The following TOP6BL variants were observed in gnomAD, a reference collection of about 807,000 sequenced individuals.
TOP6BL encodes TOP6B like initiator of meiotic double strand breaks, also known as type 2 DNA topoisomerase 6 subunit B-like.
chr11:66,800,064 CAAA>C, the TOP6BL span, among the ~76,000 whole-genome samples: 2 of 107,668 alleles, frequency 1.9e-5, no homozygotes, highest in African/African-American at 3.4e-5. Flanking sequence ...GACCCTGTCT[CAAA>C]AAAAAAAAAA....
chr11:66,822,747 T>A, the TOP6BL span: 1 of 1,054,858 alleles, frequency 9.5e-7, no homozygotes, highest in Non-Finnish European at 1.4e-6. Flanking sequence ...CTCATGCCTA[T>A]AATCGCAGCA....
chr11:66,818,291 A>G, the TOP6BL span, among the ~76,000 whole-genome samples: 1 of 152,176 alleles, frequency 6.6e-6, no homozygotes, highest in Non-Finnish European at 1.5e-5. Context: ...AAGATAAGGC[A>G]AACTTTTCCC....
chr11:66,780,486 G>A, the TOP6BL span, among the ~76,000 whole-genome samples: 1 of 152,042 alleles, frequency 6.6e-6, no homozygotes, highest in Non-Finnish European at 1.5e-5. Flanking sequence ...AAAGGATATT[G>A]CACTGGAATA....
the TOP6BL span, among the ~76,000 whole-genome samples, chr11:66,812,914 A>C: frequency 2.6e-5 from 4 of 152,298 alleles, no homozygotes; most frequent in East Asian, 7.7e-4. Context: ...ACCGCAGTGA[A>C]GAATTATCTG....
At chr11:66,826,981 C>CTTT in the TOP6BL span, among the ~76,000 whole-genome samples, 15 of 95,046 alleles carry the variant, frequency 1.6e-4, 1 homozygote, top group Admixed American at 4.9e-4. Flanking sequence ...CCACACCTGG[C>CTTT]TTTTTTTTTT....
the TOP6BL span, among the ~76,000 whole-genome samples, chr11:66,789,888 T>G: frequency 6.6e-6 from 1 of 152,150 alleles, no homozygotes; most frequent in Admixed American, 6.5e-5. Flanking sequence ...CAGGGCTATT[T>G]CAATATTTAC....
the TOP6BL span, among the ~76,000 whole-genome samples, chr11:66,765,105 T>TA: frequency 6.6e-6 from 1 of 152,224 alleles, no homozygotes; most frequent in Non-Finnish European, 1.5e-5. Context: ...CTTGTTTGAC[T>TA]AATATTTGTG....
At chr11:66,787,800 A>C in the TOP6BL span, among the ~76,000 whole-genome samples, 18 of 152,078 alleles carry the variant, frequency 1.2e-4, no homozygotes, top group African/African-American at 3.9e-4. Context: ...CATGTACTAG[A>C]CTTGTGTTTA....
chr11:66,761,623 C>T, the TOP6BL span: 16 of 1,208,456 alleles, frequency 1.3e-5, no homozygotes, highest in African/African-American at 6.1e-5. Context: ...AAGTAATGTA[C>T]GCCTGGTGCT....
the TOP6BL span, among the ~76,000 whole-genome samples, chr11:66,767,097 A>G: frequency 8.5e-5 from 13 of 152,260 alleles, no homozygotes; most frequent in African/African-American, 2.6e-4. Context: ...ATTTATTATT[A>G]TATTAGGTCT....
the TOP6BL span, among the ~76,000 whole-genome samples, chr11:66,761,335 C>CACA: frequency 6.7e-6 from 1 of 149,808 alleles, no homozygotes; most frequent in African/African-American, 2.5e-5. Flanking sequence ...TGCGCCACTG[C>CACA]ACAACAGCCT....
chr11:66,769,355 G>A, the TOP6BL span, among the ~76,000 whole-genome samples: 31 of 151,546 alleles, frequency 2.0e-4, no homozygotes, highest in African/African-American at 5.6e-4. Context: ...CACAAGCAAC[G>A]AAAGGAAAAG....
the TOP6BL span, among the ~76,000 whole-genome samples, chr11:66,775,308 A>G: frequency 6.6e-6 from 1 of 152,122 alleles, no homozygotes; most frequent in African/African-American, 2.4e-5. Context: ...CTTTTAAGAG[A>G]TAGGCACTAT....
At chr11:66,813,561 C>A in the TOP6BL span, among the ~76,000 whole-genome samples, 2 of 151,980 alleles carry the variant, frequency 1.3e-5, no homozygotes, top group Admixed American at 6.6e-5. Flanking sequence ...GGTGAAACCC[C>A]GTCTCTACTA....
chr11:66,813,366 A>G, the TOP6BL span, among the ~76,000 whole-genome samples: 1 of 152,190 alleles, frequency 6.6e-6, no homozygotes, highest in Non-Finnish European at 1.5e-5. Flanking sequence ...TTAAACCCAG[A>G]ATAAATTTCT....
chr11:66,800,842 A>T, the TOP6BL span: 2 of 930,118 alleles, frequency 2.2e-6, no homozygotes, highest in South Asian at 3.5e-5. Flanking sequence ...CCCACATTTT[A>T]TTATTTTAGT....
At chr11:66,820,490 T>G in the TOP6BL span, among the ~76,000 whole-genome samples, 1 of 152,210 alleles carries the variant, frequency 6.6e-6, no homozygotes, top group South Asian at 2.1e-4. Context: ...ATGGCATAGT[T>G]TTTTTGCCTG....
At chr11:66,769,403 T>C in the TOP6BL span, among the ~76,000 whole-genome samples, 4 of 151,162 alleles carry the variant, frequency 2.6e-5, no homozygotes, top group Admixed American at 2.6e-4. Context: ...AAAACTCTTA[T>C]GCTTCAAAAG....
the TOP6BL span, among the ~76,000 whole-genome samples, chr11:66,745,311 G>GT: frequency 8.7e-5 from 13 of 150,036 alleles, no homozygotes; most frequent in African/African-American, 2.9e-4. Context: ...TTGCGGGGCG[G>GT]GGTGGGGGGA....
Sources: allele counts gnomAD v4.1 joint callset (sites outside exome capture counted in the v4.1 genomes callset), GRCh38; gene constraint gnomAD v4.1.1; transcripts MANE v1.5; gene names NCBI Gene and HGNC (gene_info 2026-07-23, HGNC 2026-07-21).